The following STK3 variants were observed in gnomAD, a reference collection of about 807,000 sequenced individuals.
STK3 encodes the protein serine/threonine-protein kinase 3.
STK3 carries 41 observed loss-of-function variants against 58.0 expected under a neutral mutation model. The observed-to-expected ratio is 0.71, with a 90% CI of 0.55 to 0.92. The LOEUF (loss-of-function observed/expected upper bound fraction) is 0.92, where lower values mean the gene tolerates loss of function less well. Ranked by LOEUF, STK3 falls within the 40% of genes least tolerant of loss-of-function variation. The probability of loss-of-function intolerance (pLI) is 0.00; values close to 1 mark genes in which losing one functional copy is unlikely to be tolerated. For missense variants in STK3, 479 were observed against 602.7 expected, an observed-to-expected ratio of 0.79 and a Z score of 2.15; for synonymous variants, 170 against 191.0, an observed-to-expected ratio of 0.89 and a Z score of 0.91.
At chr8:98,716,384 A>G (rs1406472881) in intron 4 of STK3, among the ~76,000 whole-genome samples, 1 of 152,116 alleles carries the variant, frequency 6.6e-6, no homozygotes, top group African/African-American at 2.4e-5. Context: ...AGCAATCTGA[A>G]AAGGAAACTA....
At chr8:98,649,016 A>G (rs901672334) in intron 6 of STK3, among the ~76,000 whole-genome samples, 27 of 151,556 alleles carry the variant, frequency 1.8e-4, no homozygotes, top group Middle Eastern at 3.4e-3. Context: ...AAGATTGTGC[A>G]CTGCACTCCA....
In STK3 at chr8:98,613,386, C is replaced by G. The variant is rs548150481; in HGVS notation, c.685-17217G>C. 1.3e-4 allele frequency among the ~76,000 whole-genome samples: 20 copies of G among 151,694 alleles called. No homozygotes were observed. In the East Asian group the frequency reaches 3.9e-3, roughly 29 times the overall value. ...AAAACAAAAAAGATAAAAGTCAACA[C>G]CAAAAAAAGACATGTCAGAAGTATC... On this transcript the variant is annotated intron_variant, in intron 6 of 10. Transcript: ENST00000419617.
At chr8:98,880,934 TA>T (rs1277192470), downstream of STK3, 2 of 152,218 alleles carry the variant, frequency 1.3e-5, no homozygotes, top group African/African-American at 4.8e-5. Flanking sequence ...TTTACAAAAC[TA>T]AACATACTCT....
intron 6 of STK3, among the ~76,000 whole-genome samples, chr8:98,609,183 A>G (rs1816989507): frequency 7.5e-6 from 1 of 133,280 alleles, no homozygotes; most frequent in Non-Finnish European, 1.8e-5. Flanking sequence ...ATAACAAAGC[A>G]TATTAAGTTA....
At chr8:98,667,642 A>G (rs1822467047) in intron 6 of STK3, among the ~76,000 whole-genome samples, 1 of 152,140 alleles carries the variant, frequency 6.6e-6, no homozygotes, top group Non-Finnish European at 1.5e-5. Context: ...AAGAAAAGAG[A>G]GCAAGTATAG....
intron 6 of STK3, among the ~76,000 whole-genome samples, chr8:98,636,672 C>G (rs550269568): frequency 6.6e-6 from 1 of 152,104 alleles, no homozygotes; most frequent in Non-Finnish European, 1.5e-5. Flanking sequence ...ATAAGTTACA[C>G]AGAATTTGCA....
upstream of STK3, among the ~76,000 whole-genome samples, chr8:98,827,223 G>A (rs2131771760): frequency 6.6e-6 from 1 of 151,620 alleles, no homozygotes; most frequent in Non-Finnish European, 1.5e-5. Flanking sequence ...ACTCCCAGCT[G>A]CTTGGGAGGC....
At chr8:98,697,611 A>T (rs185889554) in intron 6 of STK3, among the ~76,000 whole-genome samples, 46 of 152,256 alleles carry the variant, frequency 3.0e-4, no homozygotes, top group Middle Eastern at 3.4e-3. Flanking sequence ...TCATTTTGTT[A>T]TGTACCCAGT....
chr8:98,694,453 A>C (rs1273983399), intron 6 of STK3, among the ~76,000 whole-genome samples: 1 of 151,970 alleles, frequency 6.6e-6, no homozygotes, highest in African/African-American at 2.4e-5. Flanking sequence ...GCACCCATTA[A>C]CTCGTCATTT....
chr8:98,560,089 T>C (rs1811892850), intron 8 of STK3, among the ~76,000 whole-genome samples: 1 of 152,140 alleles, frequency 6.6e-6, no homozygotes, highest in African/African-American at 2.4e-5. Context: ...AATCTTCTTA[T>C]AGGCAATTAC....
At chr8:98,484,683 G>C (rs937817803) in intron 10 of STK3, among the ~76,000 whole-genome samples, 12 of 151,804 alleles carry the variant, frequency 7.9e-5, no homozygotes, top group Non-Finnish European at 1.6e-4. Flanking sequence ...TAAATATAAA[G>C]AAAACACTGG....
intron 10 of STK3, among the ~76,000 whole-genome samples, chr8:98,484,769 T>G (rs1213164717): frequency 2.6e-5 from 4 of 152,118 alleles, no homozygotes; most frequent in Non-Finnish European, 5.9e-5. Context: ...ATTTAAAATT[T>G]TAAGATCTTC....
chr8:98,936,783 G>A (rs979287421), intron 1 of STK3, among the ~76,000 whole-genome samples: 1 of 152,184 alleles, frequency 6.6e-6, no homozygotes, highest in Non-Finnish European at 1.5e-5. Flanking sequence ...AGACAACCAT[G>A]GTCTAACACG....
chr8:98,893,467 A>AG (rs1491260501), intron 1 of STK3, among the ~76,000 whole-genome samples: 2 of 99,906 alleles, frequency 2.0e-5, no homozygotes, highest in African/African-American at 1.0e-4. Flanking sequence ...AGAAAGAAAG[A>AG]AAGAAAGAAA....
chr8:98,740,062 T>A (rs1379092825), intron 4 of STK3, among the ~76,000 whole-genome samples: 3 of 151,992 alleles, frequency 2.0e-5, no homozygotes, highest in Non-Finnish European at 4.4e-5. Context: ...CAAAAAGAAA[T>A]GAACAAAGCC....
chr8:98,870,708 A>G (rs927634376), intron 3 of STK3, among the ~76,000 whole-genome samples: 6 of 152,086 alleles, frequency 3.9e-5, no homozygotes, highest in Non-Finnish European at 7.4e-5. Context: ...TTTCTTATAC[A>G]TTTGTTTAAG....
At chr8:98,494,654 CAAAAAA>C (rs398008984) in intron 10 of STK3, among the ~76,000 whole-genome samples, 73 of 40,458 alleles carry the variant, frequency 1.8e-3, no homozygotes, top group South Asian at 3.8e-3. Flanking sequence ...GACCCTGTCT[CAAAAAA>C]AAAAAAAAAA....
rs1425243905 is a variant in STK3 at position 98,774,756 on chromosome 8, T to C, written c.90A>G (p.Leu30=). 6.3e-6 allele frequency: 10 copies of C among 1,588,706 alleles called. No individual in the cohort carries two copies. The highest frequency in any genetic ancestry group is 8.5e-6 in the Non-Finnish European group (10 of 1,169,616). ...GTACTTACCCTTCTCCAAGCTTCTC[T>C]AATACATCAAAAACTTCTTCAGGCT... ...TKQPEEVFDV[L]EKLGEGSYGS... The change falls in exon 2 of 11, where the codon TTA becomes TTG. Residue 30 remains leucine, a synonymous_variant. Coordinates refer to ENST00000419617, the MANE Select transcript of STK3 (RefSeq NM_006281.4).
intron 3 of STK3, among the ~76,000 whole-genome samples, chr8:98,410,069 G>A (rs972040158): frequency 3.9e-5 from 6 of 152,184 alleles, no homozygotes; most frequent in South Asian, 2.1e-4. Context: ...TGTTAGAAAA[G>A]GGGAAAAATT....
Sources: allele counts gnomAD v4.1 joint callset (sites outside exome capture counted in the v4.1 genomes callset), GRCh38; gene constraint gnomAD v4.1.1; transcripts MANE v1.5; gene names NCBI Gene and HGNC (gene_info 2026-07-23, HGNC 2026-07-21).